Variants in PEX7 observed in about 807,000 individuals in gnomAD.
PEX7 encodes the protein PTS2 receptor.
Under a neutral mutation model 47.5 loss-of-function variants are expected in PEX7, and 34 were observed. The observed-to-expected ratio is 0.72, with a 90% CI of 0.54 to 0.95. PEX7 has a LOEUF of 0.95. Ranked by LOEUF, PEX7 falls within the 40% of genes least tolerant of loss-of-function variation. The pLI is 0.00. For missense variants in PEX7, 394 were observed against 400.3 expected (o/e 0.98, Z 0.13); for synonymous variants, 141 against 148.8 (o/e 0.95, Z 0.38).
At position 136,822,592 on chromosome 6, in the gene PEX7, A is replaced by C; in HGVS notation, c.-74A>C. The C allele has an allele frequency of 7.3e-7, 1 of 1,375,892 alleles. No individual in the cohort carries two copies. The highest frequency in any genetic ancestry group is 9.9e-7 in the Non-Finnish European group (1 of 1,007,538). 85.2% of individuals were successfully genotyped at this position (1,375,892 alleles called of 1,614,324 possible). A position where few individuals can be genotyped will look rare whatever the true frequency, so the allele number is the denominator to read the frequency against. On this transcript the variant is annotated 5_prime_UTR_variant, in exon 1 of 10. Coordinates refer to ENST00000318471, the MANE Select transcript of PEX7 (RefSeq NM_000288.4). ...TCCGTCCGGTCTGCCTGGTCTCTCT[A>C]ACCGCGCCAGTGTGCCTCCGACTCG...
At chr6:136,866,927 G>T (rs1044301096) in intron 6 of PEX7, among the ~76,000 whole-genome samples, 194 bp downstream of exon 6, 1 of 152,158 alleles carries the variant, frequency 6.6e-6, no homozygotes, top group Admixed American at 6.6e-5. Flanking sequence ...TCATGAAACG[G>T]GCAAAATAAG....
At chr6:136,847,341 T>C (rs1029259541) in intron 5 of PEX7, among the ~76,000 whole-genome samples, 1 of 151,708 alleles carries the variant, frequency 6.6e-6, no homozygotes. Context: ...AGAAGCTCTT[T>C]AGTTTAATTA....
At chr6:136,845,561 G>A (rs567401960) in intron 3 of PEX7, 54 bp from the exon 4 acceptor site, 17 of 963,136 alleles carry the variant, frequency 1.8e-5, no homozygotes, top group Non-Finnish European at 2.6e-5. Context: ...GAGATAAAAT[G>A]CAATGTTGAA....
intron 6 of PEX7, among the ~76,000 whole-genome samples, chr6:136,867,428 A>G (rs1199489897): frequency 6.6e-6 from 1 of 152,142 alleles, no homozygotes; most frequent in African/African-American, 2.4e-5. Flanking sequence ...AGACAGTGAT[A>G]TTGATAATCC....
chr6:136,824,313 GTC>G (rs1774148885), intron 1 of PEX7, among the ~76,000 whole-genome samples: 1 of 152,064 alleles, frequency 6.6e-6, no homozygotes, highest in Non-Finnish European at 1.5e-5. Context: ...TGATCCTCCT[GTC>G]TCAACCTCAC....
chr6:136,879,983 T>G (rs145238588), intron 8 of PEX7, among the ~76,000 whole-genome samples: 1 of 152,304 alleles, frequency 6.6e-6, no homozygotes, highest in Non-Finnish European at 1.5e-5. Context: ...GTTTCAGTTC[T>G]TCTGTTTTTG....
At chr6:136,852,338 C>T (rs1392015579) in intron 5 of PEX7, among the ~76,000 whole-genome samples, 1 of 140,640 alleles carries the variant, frequency 7.1e-6, no homozygotes, top group South Asian at 2.4e-4. Context: ...GGAAATAAAG[C>T]GTATTCAATT....
chr6:136,843,458 G>T (rs145625610), intron 3 of PEX7, among the ~76,000 whole-genome samples: 2 of 152,158 alleles, frequency 1.3e-5, no homozygotes, highest in Admixed American at 6.5e-5. Flanking sequence ...CAAGCCATGC[G>T]CATTCATTCG....
intron 3 of PEX7, among the ~76,000 whole-genome samples, chr6:136,841,469 T>C (rs950471731): frequency 6.6e-6 from 1 of 152,224 alleles, no homozygotes; most frequent in Non-Finnish European, 1.5e-5. Flanking sequence ...CCTCTGCTTT[T>C]TGCCTATTGA....
intron 9 of PEX7, among the ~76,000 whole-genome samples, chr6:136,901,959 A>G (rs971083350): frequency 2.0e-5 from 3 of 151,858 alleles, no homozygotes; most frequent in African/African-American, 7.3e-5. Flanking sequence ...CTAATTTTGT[A>G]TTTTTAGTAG....
At chr6:136,894,628 G>C (rs1054397247) in intron 8 of PEX7, among the ~76,000 whole-genome samples, 1 of 152,098 alleles carries the variant, frequency 6.6e-6, no homozygotes, top group African/African-American at 2.4e-5. Flanking sequence ...TTAAAGAAGA[G>C]AGATGTGATA....
chr6:136,880,237 A>G (rs1481604347), intron 8 of PEX7, among the ~76,000 whole-genome samples: 1 of 152,032 alleles, frequency 6.6e-6, no homozygotes, highest in Non-Finnish European at 1.5e-5. Context: ...GTCTCTTTAT[A>G]TCTGTGGACA....
At chr6:136,886,911 T>C (rs2115255251) in intron 8 of PEX7, among the ~76,000 whole-genome samples, 1 of 152,052 alleles carries the variant, frequency 6.6e-6, no homozygotes, top group South Asian at 2.1e-4. Context: ...ATTAGCCAGG[T>C]ATGGTGGCAC....
At chr6:136,826,106 C>CCA (rs1774184616) in intron 2 of PEX7, among the ~76,000 whole-genome samples, 2 of 152,076 alleles carry the variant, frequency 1.3e-5, no homozygotes, top group Non-Finnish European at 2.9e-5. Context: ...CTACATTCCA[C>CCA]TGGACTGTTT....
At chr6:136,899,797 G>C (rs1775722910) in intron 9 of PEX7, among the ~76,000 whole-genome samples, 1 of 152,162 alleles carries the variant, frequency 6.6e-6, no homozygotes, top group African/African-American at 2.4e-5. Flanking sequence ...GGATATAAGA[G>C]AAAAAACTGA....
chr6:136,903,726 C>T (rs1460118989), intron 9 of PEX7, among the ~76,000 whole-genome samples: 1 of 151,952 alleles, frequency 6.6e-6, no homozygotes, highest in African/African-American at 2.4e-5. Context: ...AGTGGTACGT[C>T]ATGGCTCATT....
chr6:136,832,332 G>T (rs1328770539), intron 3 of PEX7, among the ~76,000 whole-genome samples: 1 of 152,222 alleles, frequency 6.6e-6, no homozygotes, highest in Non-Finnish European at 1.5e-5. Context: ...ATGTCTTGAG[G>T]CTGCACAGAG....
intron 5 of PEX7, among the ~76,000 whole-genome samples, chr6:136,866,095 A>G (rs1401965140): frequency 2.0e-5 from 3 of 152,166 alleles, no homozygotes; most frequent in South Asian, 4.1e-4. Context: ...ATAAATAAAT[A>G]AATACATAAA....
intron 9 of PEX7, among the ~76,000 whole-genome samples, chr6:136,911,308 G>A (rs757345893): frequency 3.3e-5 from 5 of 152,166 alleles, no homozygotes; most frequent in Non-Finnish European, 7.3e-5. Flanking sequence ...CCGTGGTACT[G>A]AGCCTGTTAG....
Sources: allele counts gnomAD v4.1 joint callset (sites outside exome capture counted in the v4.1 genomes callset), GRCh38; gene constraint gnomAD v4.1.1; transcripts MANE v1.5; gene names NCBI Gene and HGNC (gene_info 2026-07-23, HGNC 2026-07-21).